The following GRHL3 variants were observed in gnomAD, a reference collection of about 807,000 sequenced individuals.
GRHL3 encodes grainyhead-like protein 3 homolog.
In GRHL3, 20 loss-of-function variants were observed where a neutral mutation model predicts 70.3. The ratio of observed to expected loss-of-function variants is 0.28; its 90% CI spans 0.20 to 0.41. The LOEUF is 0.41. Among genes scored for constraint, GRHL3 ranks in the 10% least tolerant of loss-of-function variants. The probability of loss-of-function intolerance (pLI) is 1.00; values close to 1 mark genes in which losing one functional copy is unlikely to be tolerated. For synonymous variants in GRHL3, 299 were observed against 299.9 expected (o/e 1.00, Z 0.03); for missense variants, 637 against 762.3 (o/e 0.84, Z 1.94).
At chr1:24,323,629 C>T (rs1639287411) in intron 1 of GRHL3, among the ~76,000 whole-genome samples, 4 of 152,182 alleles carry the variant, frequency 2.6e-5, no homozygotes, top group African/African-American at 7.2e-5. Flanking sequence ...AAAATACCCA[C>T]CTCACAAGGC....
At chr1:24,336,884 G>A (rs947657260) in intron 4 of GRHL3, 57 bp downstream of exon 4, 4 of 1,401,882 alleles carry the variant, frequency 2.9e-6, no homozygotes, top group African/African-American at 2.8e-5. Flanking sequence ...TATACAGAAT[G>A]AGAGAAGATA....
rs1009266088 is a variant in GRHL3 at position 24,355,065 on chromosome 1, G to A, written c.*577G>A. The A allele has an allele frequency of 6.6e-6, 1 of 152,622 alleles. No homozygotes were observed. The highest frequency in any genetic ancestry group is 2.4e-5 in the African/African-American group (1 of 41,410). The allele number at this position is 152,622 out of a possible 1,614,324, so 9.5% of individuals were successfully genotyped here. A position where few individuals can be genotyped will look rare whatever the true frequency, so the allele number is the denominator to read the frequency against. On this transcript the variant is annotated 3_prime_UTR_variant, in exon 16 of 16. Transcript: ENST00000361548. ...AACGATCGACTGGAACAAAGTGACC[G>A]CTGTGTAAAACTACTGCCTTGCCAC...
chr1:24,327,092 T>C (rs907697672), intron 1 of GRHL3, among the ~76,000 whole-genome samples: 1 of 152,210 alleles, frequency 6.6e-6, no homozygotes, highest in Non-Finnish European at 1.5e-5. Flanking sequence ...GTGATGATGG[T>C]TATTATTAAC....
intron 3 of GRHL3, among the ~76,000 whole-genome samples, chr1:24,335,737 C>A (rs1340769410): frequency 6.6e-6 from 1 of 152,132 alleles, no homozygotes; most frequent in Admixed American, 6.5e-5. Context: ...CTCCCGCCAC[C>A]TCGCCCGGCT....
chr1:24,354,460 A>T lies in GRHL3; in HGVS notation c.1781A>T (p.Lys594Ile). The T allele has an allele frequency of 6.2e-7, 1 of 1,613,592 alleles. No homozygotes were observed. Among genetic ancestry groups the T allele is most frequent in the Non-Finnish European group, 8.5e-7 (1 of 1,179,606 alleles). ...FLLDMGELDG[K>I]IQIILKEL ...CTGGACATGGGGGAGCTGGACGGCA[A>T]AATTCAGATCATCCTTAAGGAGCTG... is the stretch of plus-strand genomic sequence containing the variant. The change falls in exon 16 of 16, where the codon AAA (lysine) becomes ATA (isoleucine). Residue 594 changes from lysine to isoleucine, a missense_variant. By Grantham distance (102) the Lys-to-Ile change is moderately radical. Coordinates refer to ENST00000361548, the MANE Select transcript of GRHL3 (RefSeq NM_198173.3).
intron 3 of GRHL3, 107 bp from the exon 4 acceptor site, chr1:24,336,375 C>T (rs762262748): frequency 1.8e-5 from 13 of 727,410 alleles, no homozygotes; most frequent in African/African-American, 3.5e-5. Context: ...TGGACCTAAA[C>T]ATTACACTGG....
chr1:24,364,174 C>G, intron 15 of GRHL3: 2 of 1,488,754 alleles, frequency 1.3e-6, no homozygotes, highest in South Asian at 1.3e-5. Flanking sequence ...GACGTTCTCA[C>G]TTTCTTCCAG....
rs371889064 is a variant in GRHL3 at position 24,336,687 on chromosome 1, G to A, written c.472G>A (p.Gly158Ser). The A allele has an allele frequency of 3.6e-5, 58 of 1,613,990 alleles. No homozygotes were observed. The highest frequency in any genetic ancestry group is 1.1e-4 in the East Asian group (5 of 44,882). The stretch of plus-strand genomic sequence containing the variant: ...TGCAGGCCCCAGCAAGCTGGAGGCC[G>A]GCTCTGTGGACAGCTACCTGTTACC... ...LPAGPSKLEA[G>S]SVDSYLLPTT... Residue 158 changes from glycine to serine, a missense_variant, in exon 4 of 16, where the codon GGC (glycine) becomes AGC (serine). Physicochemically the swap from Gly to Ser is moderately conservative, Grantham distance 56. This residue lies in a region of GRHL3 where 250 missense variants were observed against 248.6 expected (regional missense o/e 1.01). Transcript: ENST00000361548.
intron 3 of GRHL3, 95 bp from the exon 4 acceptor site, chr1:24,336,387 T>C: frequency 3.8e-6 from 3 of 783,648 alleles, no homozygotes; most frequent in Non-Finnish European, 4.2e-6. Context: ...TTACACTGGA[T>C]CAAAGGCCAG....
At chr1:24,359,931 T>G (rs1305011623), downstream of GRHL3, among the ~76,000 whole-genome samples, 1 of 152,162 alleles carries the variant, frequency 6.6e-6, no homozygotes, top group African/African-American at 2.4e-5. The surrounding 1 kb of genome is among the most constrained non-coding windows in gnomAD (Gnocchi z 5.3). Context: ...CTACTTATGC[T>G]TGCCTGTAAA....
intron 15 of GRHL3, among the ~76,000 whole-genome samples, chr1:24,351,455 C>CT (rs1041774992): frequency 1.3e-5 from 2 of 151,842 alleles, no homozygotes; most frequent in Admixed American, 6.6e-5. Context: ...TTTCGTGTGT[C>CT]TTTTTTTTCC....
chr1:24,350,143 C>T (rs755933459), intron 15 of GRHL3, 21 bp downstream of exon 15: 2 of 1,605,702 alleles, frequency 1.2e-6, no homozygotes, highest in Non-Finnish European at 1.7e-6. Context: ...AGTTCACCCT[C>T]CCCCAGCTGG....
In GRHL3 at chr1:24,337,657, C is replaced by A. The variant is rs1468278380; in HGVS notation, c.708C>A (p.Gly236=). Residue 236 remains glycine, a synonymous_variant, in exon 6 of 16, where the codon GGC becomes GGA. Transcript: ENST00000361548. ...GCAGTGACTTTGAATACACCCTGGG[C>A]TCCCCCAAAGCCATCCACATCAAGT... ...SLKSDFEYTL[G]SPKAIHIKSG... 3 of 1,614,196 alleles carry A rather than the reference C, an allele frequency of 1.9e-6. No individual in the cohort carries two copies. The highest frequency in any genetic ancestry group is 4.5e-5 in the East Asian group (2 of 44,876).
chr1:24,353,528 G>A (rs1027035437), intron 15 of GRHL3, among the ~76,000 whole-genome samples: 1 of 149,988 alleles, frequency 6.7e-6, no homozygotes, highest in African/African-American at 2.5e-5. Flanking sequence ...GGATGGGGGT[G>A]TGGTTGGGTG....
rs1639829355 is a variant in GRHL3 at position 24,336,701 on chromosome 1, C to T, written c.486C>T (p.Ser162=). 2 of 1,614,188 alleles carry T rather than the reference C, an allele frequency of 1.2e-6. No homozygotes were observed. The highest frequency in any genetic ancestry group is 1.7e-5 in the Admixed American group (1 of 60,026). Residue 162 remains serine (S), a synonymous_variant, in exon 4 of 16, where the codon AGC becomes AGT. Coordinates refer to ENST00000361548, the MANE Select transcript of GRHL3 (RefSeq NM_198173.3). The part of the protein sequence containing the change: ...PSKLEAGSVD[S]YLLPTTDMYD... ...AGCTGGAGGCCGGCTCTGTGGACAG[C>T]TACCTGTTACCCACCACTGATATGT...
At chr1:24,357,052 C>T (rs1262142945), downstream of GRHL3, 1 of 128,216 alleles carries the variant, frequency 7.8e-6, no homozygotes, top group Admixed American at 7.4e-5. Flanking sequence ...TAAGGCCCCC[C>T]CCCCCAAAAA....
In GRHL3 at chr1:24,364,404, C is replaced by T. The variant is rs74060321; in HGVS notation, c.*33C>T. 50,878 of 1,506,808 alleles carry T rather than the reference C, an allele frequency of 0.034. 1,844 individuals carry two copies. Among genetic ancestry groups the T allele is most frequent in the African/African-American group, 0.16 (11,386 of 72,130 alleles). The allele number at this position is 1,506,808 out of a possible 1,614,324, so 93.3% of individuals were successfully genotyped here. A position where few individuals can be genotyped will look rare whatever the true frequency, so the allele number is the denominator to read the frequency against. ...ACCTGGAGGAGAGGTGGAAGGACGA[C>T]GGCAGGTCACATCTGAGAGCTCTCA... On this transcript the variant is annotated 3_prime_UTR_variant, in exon 16 of 16. Coordinates refer to the GRHL3 transcript ENST00000350501.
At chr1:24,343,648 C>T (rs373289710) in intron 11 of GRHL3, among the ~76,000 whole-genome samples, 3 of 152,124 alleles carry the variant, frequency 2.0e-5, no homozygotes, top group Admixed American at 6.5e-5. Flanking sequence ...AGCTGTCCTC[C>T]GAGAGACTGC....
Position 24,354,536 on chromosome 1 carries a change from G to T in GRHL3, c.*48G>T. On this transcript the variant is annotated 3_prime_UTR_variant, in exon 16 of 16. Coordinates refer to ENST00000361548, the MANE Select transcript of GRHL3 (RefSeq NM_198173.3). Reference sequence around the variant, plus strand: ...TCACGACCTGCAAGGGGCCAGCAGGGACGTGGCCCCACGCCACACACAACC... The same window carrying T: ...TCACGACCTGCAAGGGGCCAGCAGGTACGTGGCCCCACGCCACACACAACC... 8.2e-7 allele frequency: 1 copy of T among 1,216,976 alleles called. No homozygotes were observed. Among genetic ancestry groups the T allele is most frequent in the South Asian group, 1.2e-5 (1 of 82,758 alleles). The allele number at this position is 1,216,976 out of a possible 1,614,324, so 75.4% of individuals were successfully genotyped here. A position where few individuals can be genotyped will look rare whatever the true frequency, so the allele number is the denominator to read the frequency against.
Sources: allele counts gnomAD v4.1 joint callset (sites outside exome capture counted in the v4.1 genomes callset), GRCh38; gene constraint gnomAD v4.1.1; regional missense constraint gnomAD v4.1.1; non-coding constraint Gnocchi (gnomAD v3.1); transcripts MANE v1.5; gene names NCBI Gene and HGNC (gene_info 2026-07-23, HGNC 2026-07-21).